The following ASPG variants were observed in gnomAD, a reference collection of about 807,000 sequenced individuals.
ASPG encodes asparaginase, also known as 60 kDa lysophospholipase.
A neutral mutation model predicts 63.2 loss-of-function variants in ASPG; 53 were observed. That is an observed-to-expected ratio of 0.84 (90% CI 0.67 to 1.05). ASPG has a LOEUF of 1.05. Among genes scored for constraint, ASPG ranks in the 50% least tolerant of loss-of-function variants. The probability of loss-of-function intolerance (pLI) is 0.00; values close to 1 mark genes in which losing one functional copy is unlikely to be tolerated. For synonymous variants in ASPG, 370 were observed against 355.0 expected (o/e 1.04, Z -0.48); for missense variants, 741 against 794.4 (o/e 0.93, Z 0.81).
intron 1 of ASPG, among the ~76,000 whole-genome samples, chr14:104,092,252 C>T (rs775859688): frequency 6.6e-6 from 1 of 152,180 alleles, no homozygotes; most frequent in Non-Finnish European, 1.5e-5. Context: ...GCAGAGCCCA[C>T]AGTATATCCA....
At chr14:104,087,320 T>C (rs114185146) in intron 1 of ASPG, among the ~76,000 whole-genome samples, 2,250 of 152,340 alleles carry the variant, frequency 0.015, 73 homozygotes, top group African/African-American at 0.051. Flanking sequence ...ATTCCTGTGC[T>C]TGGCCCTCAC....
chr14:104,106,542 G>A (rs1324156489), intron 10 of ASPG, among the ~76,000 whole-genome samples: 1 of 152,170 alleles, frequency 6.6e-6, no homozygotes, highest in Non-Finnish European at 1.5e-5. Context: ...ACCCGTTGGG[G>A]ACAGGGCTGG....
intron 6 of ASPG, 73 bp downstream of exon 6, chr14:104,099,052 C>G: frequency 2.6e-6 from 4 of 1,514,782 alleles, no homozygotes; most frequent in South Asian, 2.4e-5. Flanking sequence ...GCAGGGAGCT[C>G]GTGGCTGGGA....
chr14:104,104,657 C>T lies in ASPG; in HGVS notation c.972C>T (p.Asp324=), dbSNP rs374763814. The T allele has an allele frequency of 8.7e-6, 14 of 1,611,078 alleles. No individual in the cohort carries two copies. The highest frequency in any genetic ancestry group is 2.2e-5 in the South Asian group (2 of 90,926). ...GAGCCGGCGTCATCTCAGGCTTCGA[C>T]ATGACATCGGAGGCCGCCCTGGCCA... is the stretch of plus-strand genomic sequence containing the variant. ...MAGAGVISGF[D]MTSEAALAKL... Residue 324 remains aspartate (D), a synonymous_variant, in exon 9 of 16, where the codon GAC becomes GAT. Transcript: ENST00000551177.
chr14:104,112,773 G>A lies in ASPG; in HGVS notation c.*229G>A, dbSNP rs1255352704. ...GGTCCGGGACTGTGGATGTGTGTGG[G>A]GAGTCAGGCCCAGGCTCTGTGGGGT... is the stretch of plus-strand genomic sequence containing the variant. On this transcript the variant is annotated 3_prime_UTR_variant, in exon 16 of 16. Transcript: ENST00000551177. 3.2e-5 allele frequency: 31 copies of A among 975,396 alleles called. No homozygotes were observed. Among genetic ancestry groups the A allele is most frequent in the Non-Finnish European group, 4.1e-5 (28 of 677,124 alleles). The allele number at this position is 975,396 out of a possible 1,614,324, so 60.4% of individuals were successfully genotyped here.
At chr14:104,101,397 A>G (rs1024055637) in intron 6 of ASPG, among the ~76,000 whole-genome samples, 4 of 151,826 alleles carry the variant, frequency 2.6e-5, no homozygotes, top group South Asian at 2.1e-4. Flanking sequence ...CTGTCTGGGA[A>G]GTGAGGGGCT....
At chr14:104,105,123 G>A in intron 9 of ASPG, 1 of 751,356 alleles carries the variant, frequency 1.3e-6, no homozygotes, top group Non-Finnish European at 2.1e-6. Flanking sequence ...GGGGCCCCTG[G>A]AGACCCTGAG....
Position 104,105,357 on chromosome 14 carries a change from G to A in ASPG, c.1080G>A (p.Met360Ile), listed in dbSNP as rs372285471. ...ELLTKDLRGE[M>I]TPPSVEERRP... ...TGACCAAGGACCTTCGGGGGGAGAT[G>A]ACGCCACCCTCGGTGGAAGAGCGCC... Residue 360 changes from methionine (M) to isoleucine (I), a missense_variant, in exon 10 of 16, where the codon ATG becomes ATA. Transcript: ENST00000551177. The A allele has an allele frequency of 2.5e-6, 4 of 1,612,646 alleles. No individual in the cohort carries two copies. Among genetic ancestry groups the A allele is most frequent in the Middle Eastern group, 1.7e-4 (1 of 6,058 alleles).
chr14:104,107,524 A>G (rs2037190497), intron 12 of ASPG, among the ~76,000 whole-genome samples, 179 bp downstream of exon 12: 1 of 152,104 alleles, frequency 6.6e-6, no homozygotes, highest in Non-Finnish European at 1.5e-5. Context: ...TTCCTAGAAA[A>G]CAAAAATGTT....
rs1314546631 is a variant in ASPG at position 104,106,855 on chromosome 14, C to T, written c.1230C>T (p.His410=). 29 of 1,597,922 alleles carry T rather than the reference C, an allele frequency of 1.8e-5. No individual in the cohort carries two copies. Among genetic ancestry groups the T allele is most frequent in the South Asian group, 6.8e-5 (6 of 88,096 alleles). ...CCAGCCTGGCCTGTGCTGCTGCCCA[C>T]GCCGGTGACGTGGAGGCGCTGCAGG... ...LVPSLACAAA[H]AGDVEALQAL... The change falls in exon 11 of 16, where the codon CAC becomes CAT. Residue 410 remains histidine, a synonymous_variant. Transcript: ENST00000551177.
chr14:104,104,606 C>G lies in ASPG; in HGVS notation c.937-16C>G, dbSNP rs558539938. On this transcript the variant is annotated splice_polypyrimidine_tract_variant and intron_variant, in intron 8 of 15. Coordinates refer to ENST00000551177, the MANE Select transcript of ASPG (RefSeq NM_001080464.3). Reference sequence around the variant, plus strand: ...TGGTGAGTCGCCCTTCCTGCCCACACGCCCCCTCCTCACAGGCCATGGCGG... The same window carrying G: ...TGGTGAGTCGCCCTTCCTGCCCACAGGCCCCCTCCTCACAGGCCATGGCGG... The G allele has an allele frequency of 7.5e-6, 12 of 1,597,648 alleles. No individual in the cohort carries two copies. Among genetic ancestry groups the G allele is most frequent in the Non-Finnish European group, 1.0e-5 (12 of 1,170,708 alleles).
intron 12 of ASPG, among the ~76,000 whole-genome samples, chr14:104,107,633 C>T (rs750284019): frequency 2.6e-5 from 4 of 152,150 alleles, no homozygotes; most frequent in Admixed American, 2.0e-4. Flanking sequence ...AGCAGCCAGA[C>T]GCGGTCAATA....
chr14:104,093,642 T>C, intron 3 of ASPG, 40 bp downstream of exon 3: 2 of 759,698 alleles, frequency 2.6e-6, no homozygotes, highest in Non-Finnish European at 3.2e-6. Flanking sequence ...CTGTGGTGTG[T>C]GGGTGGGGCT....
At chr14:104,088,628 C>G (rs888868154) in intron 1 of ASPG, among the ~76,000 whole-genome samples, 1 of 152,190 alleles carries the variant, frequency 6.6e-6, no homozygotes, top group Non-Finnish European at 1.5e-5. Flanking sequence ...GGTGACCACA[C>G]GGGTCCCAGC....
At chr14:104,086,792 C>T (rs1237832338) in intron 1 of ASPG, among the ~76,000 whole-genome samples, 2 of 152,090 alleles carry the variant, frequency 1.3e-5, no homozygotes, top group East Asian at 1.9e-4. Context: ...CCTCCTCCTC[C>T]CACTCCCTGC....
At chr14:104,095,726 G>C in intron 4 of ASPG, 70 bp downstream of exon 4, 5 of 1,591,656 alleles carry the variant, frequency 3.1e-6, no homozygotes, top group Non-Finnish European at 4.3e-6. Context: ...CAGCGCTGTG[G>C]GCGGCCGCTG....
At chr14:104,093,422 G>T in intron 2 of ASPG, 69 bp from the exon 3 acceptor site, 1 of 1,374,936 alleles carries the variant, frequency 7.3e-7, no homozygotes. Flanking sequence ...GCGGGTCAGG[G>T]CATTTAGAGC....
chr14:104,108,392 TCA>T, intron 12 of ASPG: 2 of 985,144 alleles, frequency 2.0e-6, no homozygotes, highest in South Asian at 9.4e-5. Flanking sequence ...TCCTCCTGAC[TCA>T]CAGGACCAGG....
intron 12 of ASPG, 103 bp downstream of exon 12, chr14:104,107,448 T>G: frequency 2.5e-6 from 3 of 1,177,818 alleles, no homozygotes; most frequent in Non-Finnish European, 2.2e-6. Flanking sequence ...CTGGGAGAGG[T>G]GGAGGACACC....
Sources: allele counts gnomAD v4.1 joint callset (sites outside exome capture counted in the v4.1 genomes callset), GRCh38; gene constraint gnomAD v4.1.1; transcripts MANE v1.5; gene names NCBI Gene and HGNC (gene_info 2026-07-23, HGNC 2026-07-21).